UBE2E1: variants seen among roughly 807,000 people sequenced by gnomAD.
The protein encoded by UBE2E1 is ubiquitin-conjugating enzyme E2 E1.
UBE2E1 carries 6 observed loss-of-function variants against 21.4 expected under a neutral mutation model. The observed-to-expected ratio is 0.28, with a 90% CI of 0.15 to 0.55. The LOEUF is 0.55. Ranked by LOEUF, UBE2E1 falls within the 20% of genes least tolerant of loss-of-function variation. The probability of loss-of-function intolerance (pLI) is 0.93; values close to 1 mark genes in which losing one functional copy is unlikely to be tolerated. For missense variants in UBE2E1, 142 were observed against 236.5 expected, an observed-to-expected ratio of 0.60 and a Z score of 2.62; for synonymous variants, 87 against 82.7, an observed-to-expected ratio of 1.05 and a Z score of -0.28.
At chr3:23,874,316 G>A (rs1214663659) in intron 3 of UBE2E1, among the ~76,000 whole-genome samples, 1 of 152,184 alleles carries the variant, frequency 6.6e-6, no homozygotes, top group East Asian at 1.9e-4. Context: ...TGTGTGGAGG[G>A]TAGAGGTGTT....
chr3:23,887,748 C>T lies in UBE2E1; in HGVS notation c.336+49C>T, dbSNP rs374213869. The stretch of plus-strand genomic sequence containing the variant: ...AAATTTACTAATTCCCACAAGAGAG[C>T]AACTGTTGAGGTTTTTCTAAATTTA... On this transcript the variant is annotated intron_variant, in intron 4 of 5. Coordinates refer to ENST00000306627, the MANE Select transcript of UBE2E1 (RefSeq NM_003341.5). This position sits in a 1 kb window ranked among gnomAD's most constrained non-coding sequence, Gnocchi z 4.4. 10 of 1,565,602 alleles carry T rather than the reference C, an allele frequency of 6.4e-6. No individual in the cohort carries two copies. The highest frequency in any genetic ancestry group is 1.8e-4 in the Middle Eastern group (1 of 5,682).
chr3:23,846,284 T>C (rs1700201286), intron 3 of UBE2E1, among the ~76,000 whole-genome samples: 1 of 152,198 alleles, frequency 6.6e-6, no homozygotes, highest in Non-Finnish European at 1.5e-5. Flanking sequence ...GTAATAGAGC[T>C]GGGTGCAGTG....
chr3:23,810,798 C>T lies in UBE2E1; in HGVS notation c.153-662C>T. 4.7e-6 allele frequency: 1 copy of T among 211,862 alleles called. No individual in the cohort carries two copies. Among genetic ancestry groups the T allele is most frequent in the Non-Finnish European group, 9.2e-6 (1 of 108,132 alleles). 13.1% of individuals were successfully genotyped at this position (211,862 alleles called of 1,614,324 possible). On this transcript the variant is annotated intron_variant, in intron 2 of 5. Transcript: ENST00000306627. This position sits in a 1 kb window ranked among gnomAD's most constrained non-coding sequence, Gnocchi z 5.8. ...CCGGCGCGGCGCGAGCCGTCGGGGGCGCGCGCGGGGTGGGGGCGGCGTGGC... is the reference window on the plus strand; with the variant it reads ...CCGGCGCGGCGCGAGCCGTCGGGGGTGCGCGCGGGGTGGGGGCGGCGTGGC...
In UBE2E1 at chr3:23,842,206, T is replaced by G. The variant is rs867520386; in HGVS notation, c.203+30696T>G. Reference sequence around the variant, plus strand: ...GACCCAGTAAGTGAAGGGGTGTGTGTGTGTGTGTGTGTGTGTGTGTGTGTG... The same window carrying G: ...GACCCAGTAAGTGAAGGGGTGTGTGGGTGTGTGTGTGTGTGTGTGTGTGTG... On this transcript the variant is annotated intron_variant, in intron 3 of 5. Transcript: ENST00000306627. The surrounding 1 kb of genome is among the most constrained non-coding windows in gnomAD (Gnocchi z 4.6). Among the ~76,000 whole-genome samples the G allele has an allele frequency of 2.9e-3, 281 of 97,766 alleles. No homozygotes were observed. Among genetic ancestry groups the G allele is most frequent in the African/African-American group, 1.0e-2 (245 of 24,534 alleles). 64.1% of individuals were successfully genotyped at this position (97,766 alleles called of 152,430 possible). A position where few individuals can be genotyped will look rare whatever the true frequency, so the allele number is the denominator to read the frequency against.
At chr3:23,884,966 A>C (rs1175624332) in intron 3 of UBE2E1, among the ~76,000 whole-genome samples, 2 of 152,246 alleles carry the variant, frequency 1.3e-5, no homozygotes, top group Non-Finnish European at 2.9e-5. Flanking sequence ...TCCAGGTGTC[A>C]TAGCTGTATC....
chr3:23,889,486 C>G (rs567696702), intron 5 of UBE2E1: 43 of 1,377,968 alleles, frequency 3.1e-5, no homozygotes, highest in East Asian at 1.1e-4. Flanking sequence ...TGAAGACTGA[C>G]GTAAGTTTGC....
intron 3 of UBE2E1, among the ~76,000 whole-genome samples, chr3:23,827,368 T>C (rs558591314): frequency 1.2e-3 from 189 of 152,362 alleles, no homozygotes; most frequent in Non-Finnish European, 2.1e-3. Flanking sequence ...TTAGATTTAC[T>C]ATACAAATTT....
intron 3 of UBE2E1, among the ~76,000 whole-genome samples, chr3:23,821,847 A>G (rs1457992536): frequency 6.6e-6 from 1 of 152,194 alleles, no homozygotes; most frequent in Non-Finnish European, 1.5e-5. Flanking sequence ...ATCTGTTCCC[A>G]TGAGGCATCC....
chr3:23,841,653 A>G (rs186243445), intron 3 of UBE2E1, among the ~76,000 whole-genome samples: 42 of 152,368 alleles, frequency 2.8e-4, no homozygotes, highest in Non-Finnish European at 4.9e-4. Context: ...TTTTTCATGT[A>G]TCATGCCATT....
In UBE2E1 at chr3:23,841,410, C is replaced by T. The variant is rs77331150; in HGVS notation, c.203+29900C>T. Among the ~76,000 whole-genome samples, 1,040 of 151,790 alleles carry T rather than the reference C, an allele frequency of 6.9e-3. 13 individuals are homozygous for T. Among genetic ancestry groups the T allele is most frequent in the African/African-American group, 0.024 (989 of 41,382 alleles). On this transcript the variant is annotated intron_variant, in intron 3 of 5. Transcript: ENST00000306627. ...ATTGATTTTTTTCTGTCTCTCTACT[C>T]TTCTTACTCAGAATTAGATGTGCTT...
intron 4 of UBE2E1, among the ~76,000 whole-genome samples, chr3:23,888,829 A>C (rs1411434409): frequency 6.6e-6 from 1 of 152,246 alleles, no homozygotes; most frequent in Non-Finnish European, 1.5e-5. Context: ...GCAAACAATT[A>C]GCTATTCAAA....
At chr3:23,869,212 T>TTGCCATATG (rs1700723823) in intron 3 of UBE2E1, among the ~76,000 whole-genome samples, 1 of 152,178 alleles carries the variant, frequency 6.6e-6, no homozygotes. Flanking sequence ...ATCTGTTTAT[T>TTGCCATATG]TGCCATATGT....
chr3:23,884,209 A>AT (rs1400394929), intron 3 of UBE2E1, among the ~76,000 whole-genome samples: 2 of 139,506 alleles, frequency 1.4e-5, no homozygotes, highest in Non-Finnish European at 3.1e-5. Flanking sequence ...TTTCAAAAAA[A>AT]TTAACACCTA....
intron 3 of UBE2E1, among the ~76,000 whole-genome samples, chr3:23,830,425 T>TTTTGTTTTTG (rs71057625): frequency 0.47 from 70,358 of 151,204 alleles, 16,473 homozygotes; most frequent in African/African-American, 0.5. Context: ...ATTTTTTTGT[T>TTTTGTTTTTG]TTTGTTTTTG....
chr3:23,857,165 A>T (rs1228625492), intron 3 of UBE2E1, among the ~76,000 whole-genome samples: 1 of 152,060 alleles, frequency 6.6e-6, no homozygotes, highest in African/African-American at 2.4e-5. Context: ...GCATCAGGAA[A>T]TTGGCACTGA....
intron 3 of UBE2E1, among the ~76,000 whole-genome samples, chr3:23,869,543 T>A (rs368533351): frequency 1.1e-4 from 17 of 151,560 alleles, no homozygotes; most frequent in African/African-American, 4.1e-4. Flanking sequence ...ACAAGTAGTT[T>A]ATTTCCAGGT....
intron 3 of UBE2E1, among the ~76,000 whole-genome samples, chr3:23,837,388 T>A (rs1699994139): frequency 6.6e-6 from 1 of 152,204 alleles, no homozygotes; most frequent in South Asian, 2.1e-4. Context: ...GCACTAATAC[T>A]TGAGAAGCTC....
chr3:23,826,640 A>G (rs1015521827), intron 3 of UBE2E1, among the ~76,000 whole-genome samples: 4 of 152,180 alleles, frequency 2.6e-5, no homozygotes, highest in Non-Finnish European at 4.4e-5. Context: ...TGAAGCCCCA[A>G]ATCTGTGATA....
At chr3:23,882,590 C>T (rs1260440749) in intron 3 of UBE2E1, among the ~76,000 whole-genome samples, 3 of 151,906 alleles carry the variant, frequency 2.0e-5, no homozygotes, top group African/African-American at 7.3e-5. Flanking sequence ...GGGGTGGTCC[C>T]CATCGGGGAG....
Sources: allele counts gnomAD v4.1 joint callset (sites outside exome capture counted in the v4.1 genomes callset), GRCh38; gene constraint gnomAD v4.1.1; non-coding constraint Gnocchi (gnomAD v3.1); transcripts MANE v1.5; gene names NCBI Gene and HGNC (gene_info 2026-07-23, HGNC 2026-07-21).